The following ZNF654 variants were observed in gnomAD, a reference collection of about 807,000 sequenced individuals.
ZNF654 encodes zinc finger protein 654.
A neutral mutation model predicts 95.3 loss-of-function variants in ZNF654; 19 were observed. The observed-to-expected ratio is 0.20, with a 90% CI of 0.14 to 0.29. The LOEUF (loss-of-function observed/expected upper bound fraction) is 0.29. ZNF654 is among the 10% of genes least tolerant of loss of function. The pLI is 1.00. For synonymous variants in ZNF654, 413 were observed against 457.9 expected (o/e 0.90, Z 1.25); for missense variants, 1,046 against 1,341.0 (o/e 0.78, Z 3.44).
intron 1 of ZNF654, among the ~76,000 whole-genome samples, chr3:88,072,722 A>G (rs1272171320): frequency 1.3e-5 from 2 of 152,076 alleles, no homozygotes; most frequent in Admixed American, 6.6e-5. Context: ...AACACCATCT[A>G]ATATATATTC....
chr3:88,113,265 T>C (rs1705201082), intron 3 of ZNF654, 69 bp downstream of exon 3: 9 of 937,732 alleles, frequency 9.6e-6, no homozygotes, highest in Non-Finnish European at 1.1e-5. Flanking sequence ...CCCCTAAATA[T>C]AGCTTATTGG....
chr3:88,092,907 GTGT>G (rs1703831573), intron 2 of ZNF654, among the ~76,000 whole-genome samples: 1 of 152,112 alleles, frequency 6.6e-6, no homozygotes, highest in African/African-American at 2.4e-5. Context: ...AGTTTTGCTA[GTGT>G]TGTCTACAGG....
chr3:88,088,597 A>G lies in ZNF654; in HGVS notation c.332+2195A>G, dbSNP rs148571789. Among the ~76,000 whole-genome samples the G allele has an allele frequency of 2.0e-5, 3 of 152,336 alleles. No homozygotes were observed. In the East Asian group the frequency reaches 5.8e-4, roughly 29 times the overall value. On this transcript the variant is annotated intron_variant, in intron 2 of 8. Coordinates refer to ENST00000636215, the MANE Select transcript of ZNF654 (RefSeq NM_001350134.2). ...AGAAGAAATCCAGAATGTAAAACAA[A>G]ACCAAAGAGAAATTTAAATGTGTGT...
chr3:88,128,232 AATT>A (rs1414174877), intron 4 of ZNF654, among the ~76,000 whole-genome samples: 2 of 152,164 alleles, frequency 1.3e-5, no homozygotes, highest in Admixed American at 6.5e-5. Context: ...ATTAATTAGT[AATT>A]ATCCTTAGTA....
At chr3:88,118,290 A>G (rs1160332649) in intron 3 of ZNF654, among the ~76,000 whole-genome samples, 1 of 152,114 alleles carries the variant, frequency 6.6e-6, no homozygotes, top group African/African-American at 2.4e-5. Context: ...CAGTCAGGAA[A>G]GGGAGTTAGG....
rs139133224 is a variant in ZNF654, at chr3:88,081,314, G to A, written c.187-4943G>A. ...TTATGTGGGGGTTTTCCACTGTAAT[G>A]TTACTGTCTTTATATCTGTACTGTC... On this transcript the variant is annotated intron_variant, in intron 1 of 8. Coordinates refer to ENST00000636215, the MANE Select transcript of ZNF654 (RefSeq NM_001350134.2). 1.7e-3 allele frequency among the ~76,000 whole-genome samples: 261 copies of A among 152,246 alleles called. 1 individual carries two copies. Among genetic ancestry groups the A allele is most frequent in the African/African-American group, 5.1e-3 (212 of 41,548 alleles).
At chr3:88,117,980 T>C (rs1160850986) in intron 3 of ZNF654, among the ~76,000 whole-genome samples, 1 of 152,062 alleles carries the variant, frequency 6.6e-6, no homozygotes, top group Non-Finnish European at 1.5e-5. Flanking sequence ...TTTACTACTT[T>C]TATAAATTAA....
intron 3 of ZNF654, among the ~76,000 whole-genome samples, chr3:88,119,382 TTGTGGGG>T (rs1230399557): frequency 9.1e-4 from 11 of 12,064 alleles, no homozygotes; most frequent in Non-Finnish European, 7.1e-4. Context: ...CTGGGGACTG[TTGTGGGG>T]TGGGGGGAGG....
chr3:88,122,760 A>G (rs1377287155), intron 3 of ZNF654, among the ~76,000 whole-genome samples: 1 of 152,138 alleles, frequency 6.6e-6, no homozygotes, highest in Non-Finnish European at 1.5e-5. Flanking sequence ...CTGTAATCCC[A>G]GCACTTTGGG....
intron 6 of ZNF654, among the ~76,000 whole-genome samples, chr3:88,130,473 A>G (rs1023680663): frequency 6.6e-6 from 1 of 151,982 alleles, no homozygotes; most frequent in African/African-American, 2.4e-5. Flanking sequence ...TTTTTTGGAG[A>G]CAGGGTTTCA....
chr3:88,123,473 G>A (rs1705904709), intron 3 of ZNF654, among the ~76,000 whole-genome samples: 1 of 152,262 alleles, frequency 6.6e-6, no homozygotes, highest in Non-Finnish European at 1.5e-5. Flanking sequence ...ACTAAGTGTG[G>A]GAGGTGTAAT....
At chr3:88,099,152 T>C (rs1266561422) in intron 2 of ZNF654, among the ~76,000 whole-genome samples, 1 of 152,122 alleles carries the variant, frequency 6.6e-6, no homozygotes, top group Non-Finnish European at 1.5e-5. Context: ...GGATACAAAA[T>C]CAATGTGCAA....
chr3:88,065,254 G>T (rs1194043545), intron 1 of ZNF654, among the ~76,000 whole-genome samples: 1 of 152,000 alleles, frequency 6.6e-6, no homozygotes, highest in East Asian at 1.9e-4. Context: ...GTTGACGGCT[G>T]TATTTGGGGA....
chr3:88,113,086 A>G (rs1237643225), intron 2 of ZNF654, 29 bp from the exon 3 acceptor site: 2 of 1,414,332 alleles, frequency 1.4e-6, no homozygotes, highest in East Asian at 5.0e-5. Flanking sequence ...TCAAAGAAGC[A>G]ATGAAAGTTA....
At chr3:88,079,435 ATGTTT>A (rs1216398219) in intron 1 of ZNF654, among the ~76,000 whole-genome samples, 1 of 152,090 alleles carries the variant, frequency 6.6e-6, no homozygotes, top group African/African-American at 2.4e-5. Context: ...GGGACATTGC[ATGTTT>A]TGTTTATATA....
At chr3:88,111,806 T>TCTATACA (rs1008345795) in intron 2 of ZNF654, among the ~76,000 whole-genome samples, 1 of 151,962 alleles carries the variant, frequency 6.6e-6, no homozygotes, top group African/African-American at 2.4e-5. Context: ...AGGTCCTGTT[T>TCTATACA]CTATACACCA....
chr3:88,063,960 A>ATGACCCACT (rs1423439621), intron 1 of ZNF654, among the ~76,000 whole-genome samples: 1 of 152,158 alleles, frequency 6.6e-6, no homozygotes, highest in Non-Finnish European at 1.5e-5. Context: ...ATCCTACTTA[A>ATGACCCACT]TGACCCACTT....
At chr3:88,114,890 T>A (rs548138177) in intron 3 of ZNF654, among the ~76,000 whole-genome samples, 11 of 152,324 alleles carry the variant, frequency 7.2e-5, no homozygotes, top group Middle Eastern at 3.4e-3. Context: ...CTGATAATAG[T>A]GACCAATAGT....
Position 88,067,599 on chromosome 3 carries a change from GA to G in ZNF654, c.186+8096del, listed in dbSNP as rs557459545. ...ATTAAAGAGGTTTCAGAAACCCAGAGAACTGTGGTGTCACAAAAGGCAAGGA... is the reference window on the plus strand; with the variant it reads ...ATTAAAGAGGTTTCAGAAACCCAGAGACTGTGGTGTCACAAAAGGCAAGGA... On this transcript the variant is annotated intron_variant, in intron 1 of 8. Coordinates refer to ENST00000636215, the MANE Select transcript of ZNF654 (RefSeq NM_001350134.2). 2.2e-4 allele frequency among the ~76,000 whole-genome samples: 34 copies of G among 152,330 alleles called. No individual in the cohort carries two copies. The East Asian group carries it at 6.5e-3, about 29-fold the overall frequency.
Sources: allele counts gnomAD v4.1 joint callset (sites outside exome capture counted in the v4.1 genomes callset), GRCh38; gene constraint gnomAD v4.1.1; transcripts MANE v1.5; gene names NCBI Gene and HGNC (gene_info 2026-07-23, HGNC 2026-07-21).